The following R3HDM2 variants were observed in gnomAD, a reference collection of about 807,000 sequenced individuals.
R3HDM2 encodes R3H domain containing 2.
Under a neutral mutation model 124.5 loss-of-function variants are expected in R3HDM2, and 38 were observed. The observed-to-expected ratio is 0.31, with a 90% CI of 0.24 to 0.40. The LOEUF (loss-of-function observed/expected upper bound fraction) is 0.40, where lower values mean the gene tolerates loss of function less well. Among genes scored for constraint, R3HDM2 ranks in the 10% least tolerant of loss-of-function variants. R3HDM2 has a pLI of 1.00. For synonymous variants in R3HDM2, 391 were observed against 448.0 expected, an observed-to-expected ratio of 0.87 and a Z score of 1.61; for missense variants, 869 against 1,236.9, an observed-to-expected ratio of 0.70 and a Z score of 4.46.
At chr12:57,270,863 C>G (rs527284890) in intron 14 of R3HDM2, among the ~76,000 whole-genome samples, 2 of 152,326 alleles carry the variant, frequency 1.3e-5, no homozygotes, top group Admixed American at 1.3e-4. Context: ...GCCACCGCGC[C>G]TGGCCTATGA....
intron 8 of R3HDM2, 38 bp downstream of exon 8, chr12:57,297,290 T>C (rs1279255433): frequency 4.4e-6 from 5 of 1,140,348 alleles, no homozygotes; most frequent in Non-Finnish European, 6.4e-6. Context: ...CAGTGCCCCC[T>C]CCCACCTCTA....
intron 21 of R3HDM2, among the ~76,000 whole-genome samples, chr12:57,257,338 T>G (rs2039377803): frequency 1.3e-5 from 2 of 152,220 alleles, no homozygotes; most frequent in African/African-American, 4.8e-5. Context: ...ATAAGACATG[T>G]AAAGCATTTA....
At chr12:57,358,111 T>C (rs2061496932) in intron 2 of R3HDM2, among the ~76,000 whole-genome samples, 1 of 151,642 alleles carries the variant, frequency 6.6e-6, no homozygotes, top group Non-Finnish European at 1.5e-5. Flanking sequence ...CCCAAGTAGC[T>C]GGGACTACAG....
chr12:57,354,332 C>A (rs896195080), intron 2 of R3HDM2, among the ~76,000 whole-genome samples: 1 of 151,986 alleles, frequency 6.6e-6, no homozygotes, highest in African/African-American at 2.4e-5. Context: ...CTGACTCTGT[C>A]ACGCAGGCTC....
intron 2 of R3HDM2, among the ~76,000 whole-genome samples, chr12:57,390,731 G>A (rs1354765628): frequency 6.6e-6 from 1 of 152,052 alleles, no homozygotes; most frequent in Non-Finnish European, 1.5e-5. Context: ...TAATTACCAG[G>A]CTGGGTGAGG....
At chr12:57,424,193 C>T (rs1280725211) in intron 1 of R3HDM2, among the ~76,000 whole-genome samples, 3 of 147,996 alleles carry the variant, frequency 2.0e-5, no homozygotes, top group Non-Finnish European at 4.5e-5. Context: ...TCACCTGCTA[C>T]AGTGCTACAG....
At chr12:57,266,703 C>T (rs753362639) in intron 19 of R3HDM2, 28 bp downstream of exon 19, 4 of 1,526,074 alleles carry the variant, frequency 2.6e-6, no homozygotes, top group African/African-American at 1.4e-5. Flanking sequence ...TGTCAGTGCC[C>T]AAGACCCACA....
At chr12:57,358,422 A>T (rs1031810749) in intron 2 of R3HDM2, among the ~76,000 whole-genome samples, 1 of 152,138 alleles carries the variant, frequency 6.6e-6, no homozygotes, top group South Asian at 2.1e-4. Flanking sequence ...GGATCACTTG[A>T]GGCCAGGAGT....
intron 2 of R3HDM2, among the ~76,000 whole-genome samples, chr12:57,383,535 T>G (rs2065217449): frequency 6.6e-6 from 1 of 150,814 alleles, no homozygotes; most frequent in Non-Finnish European, 1.5e-5. Context: ...AAACCCCATC[T>G]CTACAAAAAT....
chr12:57,315,979 C>T (rs979740863), intron 2 of R3HDM2, among the ~76,000 whole-genome samples: 6 of 152,102 alleles, frequency 3.9e-5, no homozygotes, highest in Admixed American at 6.6e-5. Context: ...ATTAGCCGGG[C>T]GTGGTGGCAC....
intron 2 of R3HDM2, among the ~76,000 whole-genome samples, chr12:57,357,110 A>AAATG (rs1340682196): frequency 2.8e-4 from 33 of 116,722 alleles, no homozygotes; most frequent in South Asian, 8.5e-4. Flanking sequence ...CTCAAAAAAT[A>AAATG]AATGAATAAA....
At chr12:57,343,283 C>T (rs1033388365) in intron 2 of R3HDM2, among the ~76,000 whole-genome samples, 1 of 150,972 alleles carries the variant, frequency 6.6e-6, no homozygotes, top group African/African-American at 2.4e-5. Flanking sequence ...CTCCGCCTCC[C>T]GGTTCAAGCG....
intron 2 of R3HDM2, among the ~76,000 whole-genome samples, chr12:57,342,910 G>A (rs1342915194): frequency 6.6e-6 from 1 of 152,110 alleles, no homozygotes; most frequent in African/African-American, 2.4e-5. Context: ...GACAGCACAG[G>A]ATACCAGTAG....
intron 16 of R3HDM2, 36 bp downstream of exon 16, chr12:57,269,287 T>TA: frequency 6.2e-7 from 1 of 1,610,770 alleles, no homozygotes; most frequent in Non-Finnish European, 8.5e-7. Context: ...GCCCTTCCCT[T>TA]ATTCACTGCC....
At chr12:57,401,250 C>T (rs1055474772) in intron 1 of R3HDM2, among the ~76,000 whole-genome samples, 3 of 151,942 alleles carry the variant, frequency 2.0e-5, no homozygotes, top group African/African-American at 7.3e-5. Context: ...CTTGCTTCAA[C>T]CATCAGAGTG....
At chr12:57,321,190 T>C (rs61937617) in intron 2 of R3HDM2, among the ~76,000 whole-genome samples, 13,982 of 152,252 alleles carry the variant, frequency 0.092, 891 homozygotes, top group Non-Finnish European at 0.14. Context: ...GGGATGTACA[T>C]AGGAACATTT....
At chr12:57,408,099 T>A (rs2068690445) in intron 1 of R3HDM2, among the ~76,000 whole-genome samples, 1 of 152,160 alleles carries the variant, frequency 6.6e-6, no homozygotes, top group East Asian at 1.9e-4. Context: ...CCAGCTAGTT[T>A]TTATTATTTT....
At chr12:57,295,587 T>C in intron 9 of R3HDM2, 80 bp from the exon 10 acceptor site, 1 of 945,436 alleles carries the variant, frequency 1.1e-6, no homozygotes, top group Non-Finnish European at 1.6e-6. Flanking sequence ...GGTACAGCTC[T>C]CCTAAATTAC....
chr12:57,339,582 C>T (rs561146983), intron 2 of R3HDM2, among the ~76,000 whole-genome samples: 6 of 151,878 alleles, frequency 4.0e-5, no homozygotes, highest in Non-Finnish European at 8.8e-5. Flanking sequence ...CCTGTAATGC[C>T]AGCTACTTGG....
Sources: allele counts gnomAD v4.1 joint callset (sites outside exome capture counted in the v4.1 genomes callset), GRCh38; gene constraint gnomAD v4.1.1; transcripts MANE v1.5; gene names NCBI Gene and HGNC (gene_info 2026-07-23, HGNC 2026-07-21).